Variants in BRIP1 observed in about 807,000 individuals in gnomAD.
BRIP1 encodes the protein BRCA1 interacting DNA helicase 1, also known as Fanconi anemia group J protein.
In BRIP1, 88 loss-of-function variants were observed where a neutral mutation model predicts 119.7. That is an observed-to-expected ratio of 0.74 (90% CI 0.62 to 0.88). The LOEUF (loss-of-function observed/expected upper bound fraction) is 0.88. Ranked by LOEUF, BRIP1 falls within the 40% of genes least tolerant of loss-of-function variation. The pLI is 0.00. For synonymous variants in BRIP1, 443 were observed against 496.5 expected, an observed-to-expected ratio of 0.89 and a Z score of 1.43; for missense variants, 1,259 against 1,455.4, an observed-to-expected ratio of 0.87 and a Z score of 2.20.
Position 61,848,147 on chromosome 17 carries a change from T to C in BRIP1, c.508-927A>G, listed in dbSNP as rs977365150. 4.0e-5 allele frequency among the ~76,000 whole-genome samples: 6 copies of C among 151,858 alleles called. No homozygotes were observed. Among genetic ancestry groups the C allele is most frequent in the African/African-American group, 1.4e-4 (6 of 41,388 alleles). Reference sequence around the variant, plus strand: ...CCCAGTTACTTACCTACAAATAACATCCTAATTAATAATTTTTTTATTTTA... The same window carrying C: ...CCCAGTTACTTACCTACAAATAACACCCTAATTAATAATTTTTTTATTTTA... On this transcript the variant is annotated intron_variant, in intron 5 of 19. Coordinates refer to ENST00000259008, the MANE Select transcript of BRIP1 (RefSeq NM_032043.3). This position sits in a 1 kb window ranked among gnomAD's most constrained non-coding sequence, Gnocchi z 4.3.
rs1402601570 is a variant in BRIP1 at position 61,793,544 on chromosome 17, T to G, written c.1473+53A>C. 6.5e-7 allele frequency: 1 copy of G among 1,543,242 alleles called. No individual in the cohort carries two copies. Among genetic ancestry groups the G allele is most frequent in the Non-Finnish European group, 8.9e-7 (1 of 1,129,564 alleles). On this transcript the variant is annotated intron_variant, in intron 10 of 19. Transcript: ENST00000259008. The surrounding 1 kb of genome is among the most constrained non-coding windows in gnomAD (Gnocchi z 5.2). ...GATTTAATCTGGATTTAGTCACGAC[T>G]AAATCACTTCTAATTCACTAAATAC...
chr17:61,698,762 T>C (rs1188447581), intron 17 of BRIP1, among the ~76,000 whole-genome samples: 2 of 152,074 alleles, frequency 1.3e-5, no homozygotes, highest in African/African-American at 2.4e-5. Flanking sequence ...TTGCCCAGGC[T>C]GGAGTGAAGT....
At chr17:61,847,307 A>AT (rs2078750818) in intron 5 of BRIP1, 87 bp from the exon 6 acceptor site, 2 of 1,437,610 alleles carry the variant, frequency 1.4e-6, no homozygotes, top group Non-Finnish European at 9.7e-7. Flanking sequence ...AGCTCTATGT[A>AT]TTTTTTTCCT....
chr17:61,818,973 G>A (rs1226982496), intron 6 of BRIP1, among the ~76,000 whole-genome samples: 2 of 151,990 alleles, frequency 1.3e-5, no homozygotes, highest in Non-Finnish European at 2.9e-5. Flanking sequence ...ATCACCTGAG[G>A]TCAGTAGTTC....
intron 9 of BRIP1, among the ~76,000 whole-genome samples, chr17:61,797,279 G>A (rs540078297): frequency 2.4e-4 from 36 of 151,650 alleles, no homozygotes; most frequent in African/African-American, 8.7e-4. Context: ...ATATCAAAAA[G>A]AATAAGAATT....
chr17:61,712,348 G>A (rs963719979), intron 17 of BRIP1, among the ~76,000 whole-genome samples: 2 of 151,850 alleles, frequency 1.3e-5, no homozygotes, highest in African/African-American at 4.8e-5. Flanking sequence ...CCAGTAGCTG[G>A]GACTACAGAC....
intron 17 of BRIP1, among the ~76,000 whole-genome samples, chr17:61,711,443 A>T (rs2061773153): frequency 6.6e-6 from 1 of 152,210 alleles, no homozygotes; most frequent in Non-Finnish European, 1.5e-5. Context: ...ATGCTTCAAT[A>T]ACCTTCAGTG....
Position 61,825,388 on chromosome 17 carries a change from A to C in BRIP1, c.628-16631T>G, listed in dbSNP as rs2078390286. On this transcript the variant is annotated intron_variant, in intron 6 of 19. Transcript: ENST00000259008. The surrounding 1 kb of genome is among the most constrained non-coding windows in gnomAD (Gnocchi z 4.1). ...GTCCTGGCCAGGGCAATCTGACAAG[A>C]GAAAGAAATAAAGGGCATCCAAATA... Among the ~76,000 whole-genome samples, 1 of 152,094 alleles carries C rather than the reference A, an allele frequency of 6.6e-6. No homozygotes were observed. The highest frequency in any genetic ancestry group is 2.4e-5 in the African/African-American group (1 of 41,416).
In BRIP1 at chr17:61,691,580, A is replaced by G. The variant is rs2061447220; in HGVS notation, c.2575+1850T>C. On this transcript the variant is annotated intron_variant, in intron 18 of 19. Coordinates refer to ENST00000259008, the MANE Select transcript of BRIP1 (RefSeq NM_032043.3). This position sits in a 1 kb window ranked among gnomAD's most constrained non-coding sequence, Gnocchi z 5.0. ...AAGCCATTCTCCTGCCTCAGCCTCC[A>G]GAATAGTTGAGATTACAGGCACCCG... is the stretch of plus-strand genomic sequence containing the variant. Among the ~76,000 whole-genome samples the G allele has an allele frequency of 6.6e-6, 1 of 152,014 alleles. No individual in the cohort carries two copies. The highest frequency in any genetic ancestry group is 1.5e-5 in the Non-Finnish European group (1 of 67,988).
In BRIP1 at chr17:61,846,712, A is replaced by T. The variant is rs2078738696; in HGVS notation, c.627+389T>A. ...TACAACATCTTAATATTATTACAAA[A>T]ATAATTTTCACCTCACAGATCACTC... is the stretch of plus-strand genomic sequence containing the variant. On this transcript the variant is annotated intron_variant, in intron 6 of 19. Coordinates refer to ENST00000259008, the MANE Select transcript of BRIP1 (RefSeq NM_032043.3). This position sits in a 1 kb window ranked among gnomAD's most constrained non-coding sequence, Gnocchi z 4.3. 6.6e-6 allele frequency among the ~76,000 whole-genome samples: 1 copy of T among 152,174 alleles called. No homozygotes were observed. The highest frequency in any genetic ancestry group is 2.4e-5 in the African/African-American group (1 of 41,444).
At position 61,758,720 on chromosome 17, in the gene BRIP1, C is replaced by T. The variant is rs1462758450; in HGVS notation, c.2098-14129G>A. Among the ~76,000 whole-genome samples the T allele has an allele frequency of 6.6e-6, 1 of 152,032 alleles. No individual in the cohort carries two copies. The highest frequency in any genetic ancestry group is 6.6e-5 in the Admixed American group (1 of 15,236). Reference sequence around the variant, plus strand: ...ACAATGCTGGGTGGGCGTGGTCACTCATGCCTGTAATTCCAGCACTTTAGG... The same window carrying T: ...ACAATGCTGGGTGGGCGTGGTCACTTATGCCTGTAATTCCAGCACTTTAGG... On this transcript the variant is annotated intron_variant, in intron 14 of 19. Coordinates refer to ENST00000259008, the MANE Select transcript of BRIP1 (RefSeq NM_032043.3). The surrounding 1 kb of genome is among the most constrained non-coding windows in gnomAD (Gnocchi z 5.3).
rs1184775619 is a variant in BRIP1, at chr17:61,796,760, G to C, written c.1340+2340C>G. 6.6e-6 allele frequency among the ~76,000 whole-genome samples: 1 copy of C among 152,052 alleles called. No homozygotes were observed. The highest frequency in any genetic ancestry group is 1.5e-5 in the Non-Finnish European group (1 of 67,968). On this transcript the variant is annotated intron_variant, in intron 9 of 19. Transcript: ENST00000259008. The surrounding 1 kb of genome is among the most constrained non-coding windows in gnomAD (Gnocchi z 4.8). ...AATTGATTACTGGAGAAAGATGAGT[G>C]AAAGTAGAGACCTGTTAGGAGGTTG...
chr17:61,793,481 T>A lies in BRIP1; in HGVS notation c.1473+116A>T, dbSNP rs1022724155. 8.5e-6 allele frequency: 8 copies of A among 940,890 alleles called. No homozygotes were observed. In the African/African-American group the frequency reaches 1.2e-4, roughly 14 times the overall value. The allele number at this position is 940,890 out of a possible 1,614,324, so 58.3% of individuals were successfully genotyped here. ...TTTAGATAATAAAATTTTTAAAAAA[T>A]TAAATTGCTATATTTAACAATTCTG... On this transcript the variant is annotated intron_variant, in intron 10 of 19. Coordinates refer to ENST00000259008, the MANE Select transcript of BRIP1 (RefSeq NM_032043.3). This position sits in a 1 kb window ranked among gnomAD's most constrained non-coding sequence, Gnocchi z 5.2.
In BRIP1 at chr17:61,816,423, G is replaced by T. The variant is rs1355011430; in HGVS notation, c.628-7666C>A. Among the ~76,000 whole-genome samples, 8 of 152,166 alleles carry T rather than the reference G, an allele frequency of 5.3e-5. No homozygotes were observed. Among genetic ancestry groups the T allele is most frequent in the Non-Finnish European group, 1.2e-4 (8 of 68,028 alleles). On this transcript the variant is annotated intron_variant, in intron 6 of 19. Coordinates refer to ENST00000259008, the MANE Select transcript of BRIP1 (RefSeq NM_032043.3). The surrounding 1 kb of genome is among the most constrained non-coding windows in gnomAD (Gnocchi z 5.0). ...AAACTGCAGTGGGCTAGCACATTAA[G>T]ACAGATCCTTTTCACGGTTGTTTTT...
intron 17 of BRIP1, among the ~76,000 whole-genome samples, chr17:61,711,395 AT>A (rs1251949974): frequency 6.6e-5 from 10 of 152,310 alleles, no homozygotes; most frequent in Non-Finnish European, 1.0e-4. Flanking sequence ...CAAAAAAAAA[AT>A]GTCAATCAGC....
rs527517984 is a variant in BRIP1 at position 61,780,553 on chromosome 17, C to G, written c.1795-152G>C. 1.3e-4 allele frequency: 101 copies of G among 766,314 alleles called. No homozygotes were observed. In the South Asian group the frequency reaches 1.6e-3, roughly 12 times the overall value. The allele number at this position is 766,314 out of a possible 1,614,324, so 47.5% of individuals were successfully genotyped here. ...GACCAGCCTGGGCAATATGGTGAAACCCCGTCTCTACAAAAAATACAAAAA... is the reference window on the plus strand; with the variant it reads ...GACCAGCCTGGGCAATATGGTGAAAGCCCGTCTCTACAAAAAATACAAAAA... On this transcript the variant is annotated intron_variant, in intron 12 of 19. Transcript: ENST00000259008. The surrounding 1 kb of genome is among the most constrained non-coding windows in gnomAD (Gnocchi z 5.4).
In BRIP1 at chr17:61,756,224, T is replaced by G. The variant is rs2077198686; in HGVS notation, c.2098-11633A>C. ...TTACACATTTAGACAGCTTAACTAT[T>G]TCTGTCTTGCCAGAGAAATCACATA... On this transcript the variant is annotated intron_variant, in intron 14 of 19. Coordinates refer to ENST00000259008, the MANE Select transcript of BRIP1 (RefSeq NM_032043.3). The surrounding 1 kb of genome is among the most constrained non-coding windows in gnomAD (Gnocchi z 4.3). 6.6e-6 allele frequency among the ~76,000 whole-genome samples: 1 copy of G among 152,206 alleles called. No homozygotes were observed. The highest frequency in any genetic ancestry group is 2.4e-5 in the African/African-American group (1 of 41,458).
In BRIP1 at chr17:61,735,607, A is replaced by G. The variant is rs1235992040; in HGVS notation, c.2379+7406T>C. On this transcript the variant is annotated intron_variant, in intron 16 of 19. Transcript: ENST00000259008. The surrounding 1 kb of genome is among the most constrained non-coding windows in gnomAD (Gnocchi z 4.4). ...AGTTCGAGACCAGCCTGGGCAACAT[A>G]GCAAGATCCTGCCTCTACAAAAAAA... Among the ~76,000 whole-genome samples the G allele has an allele frequency of 2.0e-5, 3 of 151,188 alleles. No individual in the cohort carries two copies. In the East Asian group the frequency reaches 5.9e-4, roughly 30 times the overall value.
At chr17:61,773,943 C>A (rs550045167) in intron 14 of BRIP1, among the ~76,000 whole-genome samples, 1 of 152,080 alleles carries the variant, frequency 6.6e-6, no homozygotes, top group Non-Finnish European at 1.5e-5. Context: ...ACAACAGAAG[C>A]TGGAGAGGAT....
Sources: allele counts gnomAD v4.1 joint callset (sites outside exome capture counted in the v4.1 genomes callset), GRCh38; gene constraint gnomAD v4.1.1; non-coding constraint Gnocchi (gnomAD v3.1); transcripts MANE v1.5; gene names NCBI Gene and HGNC (gene_info 2026-07-23, HGNC 2026-07-21).